OSBPL10: variants seen among roughly 807,000 people sequenced by gnomAD.
OSBPL10 encodes the protein oxysterol binding protein like 10.
OSBPL10 carries 49 observed loss-of-function variants against 81.7 expected under a neutral mutation model. The observed-to-expected ratio is 0.60, with a 90% CI of 0.48 to 0.76. The LOEUF is 0.76. OSBPL10 is among the 30% of genes least tolerant of loss of function. The pLI, the probability that OSBPL10 is intolerant of heterozygous loss-of-function variation, is 0.00. For missense variants in OSBPL10, 923 were observed against 987.8 expected (o/e 0.93, Z 0.88); for synonymous variants, 419 against 383.6 (o/e 1.09, Z -1.08).
intron 1 of OSBPL10, among the ~76,000 whole-genome samples, chr3:31,914,061 T>C (rs1207590662): frequency 1.3e-5 from 2 of 152,126 alleles, no homozygotes; most frequent in Non-Finnish European, 1.5e-5. Flanking sequence ...GTTGGGATTA[T>C]AGGCACCCGC....
chr3:32,067,145 A>G (rs1208875687), intron 1 of OSBPL10, among the ~76,000 whole-genome samples: 1 of 152,240 alleles, frequency 6.6e-6, no homozygotes, highest in Non-Finnish European at 1.5e-5. Flanking sequence ...CTTTAAAAAA[A>G]AAATCTTCAG....
At chr3:31,952,423 G>A (rs116419177) in intron 1 of OSBPL10, among the ~76,000 whole-genome samples, 3,047 of 152,174 alleles carry the variant, frequency 0.02, 114 homozygotes, top group African/African-American at 0.068. Flanking sequence ...ACATCCAGGC[G>A]TATCCCTCGT....
At chr3:31,942,040 C>T (rs1488107335) in intron 1 of OSBPL10, among the ~76,000 whole-genome samples, 12 of 152,182 alleles carry the variant, frequency 7.9e-5, no homozygotes, top group Admixed American at 3.9e-4. Context: ...TTTGGGAAGC[C>T]GAGGCGGGTG....
chr3:31,991,801 CTGACCAACTT>C (rs1365409406), intron 2 of OSBPL10, among the ~76,000 whole-genome samples: 1 of 151,818 alleles, frequency 6.6e-6, no homozygotes, highest in Non-Finnish European at 1.5e-5. Context: ...CTCACTACCA[CTGACCAACTT>C]TTCATATCCT....
intron 8 of OSBPL10, among the ~76,000 whole-genome samples, chr3:31,681,075 G>A (rs1700629071): frequency 6.6e-6 from 1 of 152,166 alleles, no homozygotes; most frequent in South Asian, 2.1e-4. Flanking sequence ...TCTGAATTGT[G>A]GAAAAGGCCT....
intron 7 of OSBPL10, among the ~76,000 whole-genome samples, chr3:31,698,638 A>C (rs1403526996): frequency 2.0e-5 from 3 of 152,022 alleles, no homozygotes; most frequent in Admixed American, 2.0e-4. Context: ...ACTCTGATCC[A>C]ACCACATTGG....
intron 1 of OSBPL10, among the ~76,000 whole-genome samples, chr3:32,055,544 T>C (rs147652762): frequency 1.2e-4 from 18 of 152,328 alleles, no homozygotes; most frequent in Non-Finnish European, 2.5e-4. Flanking sequence ...TGGATTATAT[T>C]TCTCTCCACT....
At position 31,705,500 on chromosome 3, in the gene OSBPL10, A is replaced by G. The variant is rs139893618; in HGVS notation, c.1096-2992T>C. Among the ~76,000 whole-genome samples, 54 of 152,212 alleles carry G rather than the reference A, an allele frequency of 3.5e-4. 2 individuals carry two copies. In the East Asian group the frequency reaches 9.9e-3, roughly 28 times the overall value. ...TAAATACCAATCTACTGGCAACCAC[A>G]AAGCACCCACATAGACAGGCACTGC... On this transcript the variant is annotated intron_variant, in intron 6 of 11. Transcript: ENST00000396556.
intron 8 of OSBPL10, among the ~76,000 whole-genome samples, chr3:31,677,305 G>A (rs1222615026): frequency 6.6e-6 from 1 of 152,094 alleles, no homozygotes; most frequent in African/African-American, 2.4e-5. Context: ...GCATTACAGC[G>A]GACACATTTT....
chr3:31,697,522 A>G (rs1695762171), intron 7 of OSBPL10, among the ~76,000 whole-genome samples: 1 of 152,246 alleles, frequency 6.6e-6, no homozygotes, highest in South Asian at 2.1e-4. Context: ...GCCAGAAATA[A>G]AAGAATAAAA....
At chr3:31,810,153 G>A (rs185827796) in intron 4 of OSBPL10, among the ~76,000 whole-genome samples, 41 of 152,108 alleles carry the variant, frequency 2.7e-4, no homozygotes, top group Admixed American at 2.6e-3. Context: ...TCACAGGCAT[G>A]AGCCACCGCA....
At chr3:31,796,528 G>A (rs1699216467) in intron 4 of OSBPL10, among the ~76,000 whole-genome samples, 1 of 152,118 alleles carries the variant, frequency 6.6e-6, no homozygotes, top group African/African-American at 2.4e-5. Context: ...TGGATACCAA[G>A]GGACAATTGA....
At chr3:31,844,862 CTA>C (rs751854978) in intron 3 of OSBPL10, among the ~76,000 whole-genome samples, 14 of 152,244 alleles carry the variant, frequency 9.2e-5, no homozygotes, top group Admixed American at 2.0e-4. Flanking sequence ...TCACTAGTGG[CTA>C]TGAGTTCAAG....
intron 1 of OSBPL10, among the ~76,000 whole-genome samples, chr3:31,959,884 T>C (rs1490874293): frequency 6.6e-6 from 1 of 152,160 alleles, no homozygotes; most frequent in Non-Finnish European, 1.5e-5. Context: ...GACTAGGTTA[T>C]TTTGGTTTAT....
chr3:31,879,295 C>CT (rs1701560533), intron 2 of OSBPL10: 1 of 165,332 alleles, frequency 6.0e-6, no homozygotes, highest in Non-Finnish European at 1.3e-5. Flanking sequence ...CCTTAAAGGT[C>CT]TTTTTTTGCC....
rs532351825 is a variant in OSBPL10, at chr3:31,817,933, T to C, written c.729+12107A>G. On this transcript the variant is annotated intron_variant, in intron 4 of 11. Transcript: ENST00000396556. The stretch of plus-strand genomic sequence containing the variant: ...CAGCCCGGTCAACCTTGCAAAACCA[T>C]GTCTCTACAAAAAATACAAAAATTA... 3.9e-5 allele frequency among the ~76,000 whole-genome samples: 6 copies of C among 152,254 alleles called. No homozygotes were observed. In the East Asian group the frequency reaches 9.7e-4, roughly 25 times the overall value.
At chr3:31,840,882 G>C (rs1428919727) in intron 3 of OSBPL10, among the ~76,000 whole-genome samples, 2 of 152,122 alleles carry the variant, frequency 1.3e-5, no homozygotes, top group Non-Finnish European at 2.9e-5. Flanking sequence ...CTAACACTAA[G>C]TTAGGCTTCT....
intron 4 of OSBPL10, among the ~76,000 whole-genome samples, chr3:31,796,883 C>A (rs1361623690): frequency 6.6e-6 from 1 of 152,056 alleles, no homozygotes; most frequent in Non-Finnish European, 1.5e-5. Flanking sequence ...CCTTTCCTCC[C>A]CTCTCCTCAC....
At chr3:31,853,145 C>A (rs933358116) in intron 3 of OSBPL10, among the ~76,000 whole-genome samples, 6 of 152,076 alleles carry the variant, frequency 3.9e-5, no homozygotes, top group African/African-American at 1.4e-4. Flanking sequence ...AGATAAGCTG[C>A]CAAGTAGATG....
Sources: allele counts gnomAD v4.1 joint callset (sites outside exome capture counted in the v4.1 genomes callset), GRCh38; gene constraint gnomAD v4.1.1; transcripts MANE v1.5; gene names NCBI Gene and HGNC (gene_info 2026-07-23, HGNC 2026-07-21).